The following BRD10 variants were observed in gnomAD, a reference collection of about 807,000 sequenced individuals.
BRD10 encodes uncharacterized bromodomain-containing protein 10.
the BRD10 span, chr9:6,007,301 A>C: frequency 6.2e-7 from 1 of 1,613,786 alleles, no homozygotes; most frequent in South Asian, 1.1e-5. Flanking sequence ...TCCAGCATCA[A>C]CCTGAAGTCC....
chr9:5,951,343 T>C, the BRD10 span, among the ~76,000 whole-genome samples: 1 of 151,254 alleles, frequency 6.6e-6, no homozygotes, highest in Admixed American at 6.6e-5. Flanking sequence ...AAAAAAAACT[T>C]CACAATTTAA....
chr9:5,917,247 G>C, the BRD10 span, among the ~76,000 whole-genome samples: 1 of 152,208 alleles, frequency 6.6e-6, no homozygotes, highest in South Asian at 2.1e-4. Flanking sequence ...AATAATGCTG[G>C]CTGAGGTATG....
the BRD10 span, chr9:5,920,369 A>G: frequency 6.2e-7 from 1 of 1,613,864 alleles, no homozygotes; most frequent in Admixed American, 1.7e-5. Flanking sequence ...ATTGATGACT[A>G]TTTTTTGCTG....
At chr9:5,970,029 T>C in the BRD10 span, among the ~76,000 whole-genome samples, 1 of 152,182 alleles carries the variant, frequency 6.6e-6, no homozygotes, top group African/African-American at 2.4e-5. Flanking sequence ...GAAAGCACAG[T>C]AGAATTTGAT....
the BRD10 span, chr9:5,913,894 A>T: frequency 2.9e-6 from 1 of 344,202 alleles, no homozygotes; most frequent in East Asian, 9.0e-5. Context: ...AATGCAGCTC[A>T]TATGAAAATA....
chr9:5,968,749 A>T, the BRD10 span: 1 of 1,613,918 alleles, frequency 6.2e-7, no homozygotes. Flanking sequence ...GTGGAATTGG[A>T]AATTCTGGGG....
the BRD10 span, chr9:5,954,187 G>T: frequency 2.9e-6 from 2 of 691,100 alleles, no homozygotes; most frequent in Non-Finnish European, 5.0e-6. Flanking sequence ...AAGTTAAATT[G>T]TAACTAACAG....
At chr9:5,934,102 T>C in the BRD10 span, among the ~76,000 whole-genome samples, 1 of 152,138 alleles carries the variant, frequency 6.6e-6, no homozygotes, top group Non-Finnish European at 1.5e-5. Flanking sequence ...ATTAAAATCA[T>C]ATAAAAATAT....
the BRD10 span, chr9:5,919,584 A>ACACACACACACACACACACAC: frequency 4.5e-5 from 44 of 979,474 alleles, no homozygotes; most frequent in East Asian, 1.9e-4. Context: ...ACACACACAC[A>ACACACACACACACACACACAC]ATGTATAGTA....
chr9:5,976,676 C>T, the BRD10 span, among the ~76,000 whole-genome samples: 1 of 151,124 alleles, frequency 6.6e-6, no homozygotes, highest in Non-Finnish European at 1.5e-5. Flanking sequence ...TTAAATGTGA[C>T]ACTTTGTTTT....
At chr9:5,972,828 T>A in the BRD10 span, among the ~76,000 whole-genome samples, 157 of 152,270 alleles carry the variant, frequency 1.0e-3, 1 homozygote, top group African/African-American at 3.4e-3. Flanking sequence ...ACTAAGACAC[T>A]CTTCAACAGC....
the BRD10 span, among the ~76,000 whole-genome samples, chr9:5,883,997 C>T: frequency 2.0e-5 from 3 of 152,184 alleles, no homozygotes; most frequent in Non-Finnish European, 2.9e-5. Context: ...CTGATGTTGA[C>T]AGTCTTACAC....
At chr9:5,942,889 T>A in the BRD10 span, among the ~76,000 whole-genome samples, 1 of 152,092 alleles carries the variant, frequency 6.6e-6, no homozygotes, top group Non-Finnish European at 1.5e-5. Context: ...TCTTCTTCTG[T>A]TTTTTTGAGT....
the BRD10 span, among the ~76,000 whole-genome samples, chr9:5,994,705 T>C: frequency 0.011 from 1,600 of 152,196 alleles, 24 homozygotes; most frequent in African/African-American, 0.03. Context: ...ATGTAGCCTC[T>C]CTCTTAAATC....
At chr9:5,998,141 T>C in the BRD10 span, among the ~76,000 whole-genome samples, 5 of 152,206 alleles carry the variant, frequency 3.3e-5, no homozygotes, top group African/African-American at 1.2e-4. Context: ...TTTGAACATG[T>C]TAAAGTTTGA....
At chr9:5,997,430 T>G in the BRD10 span, among the ~76,000 whole-genome samples, 935 of 74,980 alleles carry the variant, frequency 0.012, 9 homozygotes, top group African/African-American at 0.033. Context: ...AATAAATACA[T>G]GAAAAAATGG....
chr9:5,883,280 G>A, the BRD10 span, among the ~76,000 whole-genome samples: 2 of 152,112 alleles, frequency 1.3e-5, no homozygotes, highest in East Asian at 3.9e-4. Context: ...TTGTTTTGGA[G>A]AACCTCTCTC....
At chr9:5,893,241 A>G in the BRD10 span, among the ~76,000 whole-genome samples, 2 of 152,126 alleles carry the variant, frequency 1.3e-5, no homozygotes, top group African/African-American at 2.4e-5. Context: ...GGCTGCAGGG[A>G]CATACTCTGT....
chr9:5,986,879 T>C, the BRD10 span, among the ~76,000 whole-genome samples: 1 of 152,224 alleles, frequency 6.6e-6, no homozygotes, highest in Admixed American at 6.5e-5. Context: ...TATTAAACAA[T>C]TTATTCAAAA....
Sources: gnomAD v4.1 joint callset for allele counts (sites outside exome capture counted in the v4.1 genomes callset) on GRCh38, gnomAD v4.1.1 for gene constraint, MANE v1.5 for transcripts, NCBI Gene and HGNC (gene_info 2026-07-23, HGNC 2026-07-21) for gene names.